The following SLC24A3 variants were observed in gnomAD, a reference collection of about 807,000 sequenced individuals.
SLC24A3 encodes solute carrier family 24 member 3.
SLC24A3 carries 28 observed loss-of-function variants against 75.8 expected under a neutral mutation model. The ratio of observed to expected loss-of-function variants is 0.37; its 90% CI spans 0.27 to 0.51. The LOEUF is 0.51. SLC24A3 is among the 20% of genes least tolerant of loss of function. The pLI, the probability that SLC24A3 is intolerant of heterozygous loss-of-function variation, is 0.94. For missense variants in SLC24A3, 663 were observed against 847.8 expected, an observed-to-expected ratio of 0.78 and a Z score of 2.71; for synonymous variants, 372 against 334.1, an observed-to-expected ratio of 1.11 and a Z score of -1.24.
chr20:19,544,293 G>T (rs2030551071), intron 3 of SLC24A3, among the ~76,000 whole-genome samples: 2 of 152,162 alleles, frequency 1.3e-5, no homozygotes, highest in South Asian at 4.1e-4. Context: ...CCTGAGAGGT[G>T]CCCAGTGTGC....
intron 6 of SLC24A3, among the ~76,000 whole-genome samples, chr20:19,586,093 T>C (rs2031291226): frequency 6.6e-6 from 1 of 152,046 alleles, no homozygotes; most frequent in Non-Finnish European, 1.5e-5. Flanking sequence ...ACCTATGGAG[T>C]TGATGCCACT....
intron 2 of SLC24A3, among the ~76,000 whole-genome samples, chr20:19,478,539 G>A (rs1166841965): frequency 6.6e-6 from 1 of 152,116 alleles, no homozygotes; most frequent in Admixed American, 6.5e-5. Context: ...CATCCATTGT[G>A]GTTTGACTAA....
At chr20:19,529,828 C>A (rs549589434) in intron 3 of SLC24A3, among the ~76,000 whole-genome samples, 1 of 152,194 alleles carries the variant, frequency 6.6e-6, no homozygotes. Flanking sequence ...TTCTTGCTTG[C>A]GTGTGAACCC....
intron 2 of SLC24A3, among the ~76,000 whole-genome samples, chr20:19,366,920 C>G (rs1164064736): frequency 6.6e-6 from 1 of 152,148 alleles, no homozygotes; most frequent in Admixed American, 6.5e-5. Context: ...AGACAGCATT[C>G]TGGGAAGTCC....
At chr20:19,518,150 T>C (rs1179967179) in intron 3 of SLC24A3, among the ~76,000 whole-genome samples, 2 of 152,188 alleles carry the variant, frequency 1.3e-5, no homozygotes, top group Non-Finnish European at 2.9e-5. Context: ...TCATTGGATG[T>C]AAGAACTGCT....
chr20:19,337,407 G>C (rs1351381524), intron 2 of SLC24A3, among the ~76,000 whole-genome samples: 2 of 152,028 alleles, frequency 1.3e-5, no homozygotes, highest in Non-Finnish European at 1.5e-5. Flanking sequence ...TCACACCATT[G>C]CACTCCAGCC....
chr20:19,355,638 C>T (rs941806634), intron 2 of SLC24A3, among the ~76,000 whole-genome samples: 4 of 152,190 alleles, frequency 2.6e-5, no homozygotes, highest in Non-Finnish European at 4.4e-5. Context: ...TTTTCAAAAA[C>T]ATAGCATAAA....
At chr20:19,438,850 C>T (rs1449439461) in intron 2 of SLC24A3, among the ~76,000 whole-genome samples, 1 of 152,130 alleles carries the variant, frequency 6.6e-6, no homozygotes, top group African/African-American at 2.4e-5. Context: ...GGCCTCTGCA[C>T]CTGGCATCCC....
chr20:19,585,200 C>A, intron 5 of SLC24A3, 145 bp downstream of exon 5: 1 of 783,912 alleles, frequency 1.3e-6, no homozygotes, highest in Non-Finnish European at 2.0e-6. Flanking sequence ...ATCAGCCTCC[C>A]ATCTGCCGTT....
chr20:19,594,616 T>A (rs1430961244), intron 6 of SLC24A3, among the ~76,000 whole-genome samples: 1 of 152,178 alleles, frequency 6.6e-6, no homozygotes, highest in Non-Finnish European at 1.5e-5. Flanking sequence ...AGAGAAAAAA[T>A]TACATTCTAG....
intron 2 of SLC24A3, among the ~76,000 whole-genome samples, chr20:19,491,640 C>A (rs541515404): frequency 8.8e-4 from 134 of 152,326 alleles, no homozygotes; most frequent in African/African-American, 3.1e-3. Context: ...TCAGACACCC[C>A]TGCCCCTCCT....
chr20:19,292,884 A>G (rs1458138291), intron 2 of SLC24A3, among the ~76,000 whole-genome samples: 1 of 152,194 alleles, frequency 6.6e-6, no homozygotes, highest in Non-Finnish European at 1.5e-5. Context: ...GTTCATGGTT[A>G]GCGCCTTCTT....
chr20:19,373,208 G>C (rs979981885), intron 2 of SLC24A3, among the ~76,000 whole-genome samples: 1 of 152,106 alleles, frequency 6.6e-6, no homozygotes, highest in Non-Finnish European at 1.5e-5. Context: ...CTGGTGTTTA[G>C]TTCCTGAGAG....
chr20:19,617,594 T>C (rs778219129), intron 6 of SLC24A3, among the ~76,000 whole-genome samples: 5 of 152,202 alleles, frequency 3.3e-5, no homozygotes, highest in Non-Finnish European at 7.3e-5. Flanking sequence ...CAAATGGTCA[T>C]GAAACCTCTG....
At chr20:19,581,447 G>A (rs1206131494) in intron 4 of SLC24A3, among the ~76,000 whole-genome samples, 2 of 152,172 alleles carry the variant, frequency 1.3e-5, no homozygotes, top group African/African-American at 2.4e-5. Context: ...CACAGAACCT[G>A]TGAATACCCA....
chr20:19,312,945 C>T (rs967024716), intron 2 of SLC24A3, among the ~76,000 whole-genome samples: 3 of 147,890 alleles, frequency 2.0e-5, no homozygotes, highest in Admixed American at 6.8e-5. Flanking sequence ...TTCCCATTTA[C>T]TTTGTAGCAG....
intron 6 of SLC24A3, among the ~76,000 whole-genome samples, chr20:19,625,317 G>T (rs183070999): frequency 9.3e-4 from 141 of 152,146 alleles, no homozygotes; most frequent in African/African-American, 3.1e-3. Context: ...TATAAGGCTT[G>T]GTCCCCATCC....
At chr20:19,528,847 TG>T (rs1170131240) in intron 3 of SLC24A3, among the ~76,000 whole-genome samples, 37 of 152,342 alleles carry the variant, frequency 2.4e-4, no homozygotes, top group African/African-American at 8.9e-4. Flanking sequence ...GAAGCTTTCA[TG>T]GGACCAGCGG....
At chr20:19,459,366 C>T (rs945293166) in intron 2 of SLC24A3, among the ~76,000 whole-genome samples, 2 of 152,134 alleles carry the variant, frequency 1.3e-5, no homozygotes, top group Admixed American at 6.5e-5. Context: ...TCAGATAAAA[C>T]CGTCCAGTAT....
Sources: gnomAD v4.1 joint callset for allele counts (sites outside exome capture counted in the v4.1 genomes callset) on GRCh38, gnomAD v4.1.1 for gene constraint, MANE v1.5 for transcripts, NCBI Gene and HGNC (gene_info 2026-07-23, HGNC 2026-07-21) for gene names.